Variants in NKD2 observed in about 807,000 individuals in gnomAD.
NKD2 encodes the protein protein naked cuticle homolog 2.
NKD2 carries 43 observed loss-of-function variants against 34.8 expected under a neutral mutation model. The observed-to-expected ratio is 1.24, with a 90% CI of 0.97 to 1.60. The LOEUF is 1.60. Among genes scored for constraint, NKD2 ranks in the 40% most tolerant of loss-of-function variants. The probability of loss-of-function intolerance (pLI) is 0.00; values close to 1 mark genes in which losing one functional copy is unlikely to be tolerated. For synonymous variants in NKD2, 278 were observed against 265.1 expected (o/e 1.05, Z -0.47); for missense variants, 675 against 627.1 (o/e 1.08, Z -0.82).
chr5:1,037,670 T>G (rs1193108058), intron 9 of NKD2, 135 bp from the exon 10 acceptor site: 1 of 1,536,776 alleles, frequency 6.5e-7, no homozygotes, highest in Admixed American at 2.0e-5. Context: ...GCCGTCTGAC[T>G]GCAGACTTGG....
intron 3 of NKD2, among the ~76,000 whole-genome samples, chr5:1,016,766 G>A (rs1755969026): frequency 6.6e-6 from 1 of 152,196 alleles, no homozygotes; most frequent in African/African-American, 2.4e-5. Context: ...ATCCGCTAAG[G>A]GGGACGTGAC....
Position 1,038,403 on chromosome 5 carries a change from C to G in NKD2, c.*30C>G, listed in dbSNP as rs147500743. On this transcript the variant is annotated 3_prime_UTR_variant, in exon 10 of 10. Coordinates refer to ENST00000296849, the MANE Select transcript of NKD2 (RefSeq NM_033120.4). The surrounding 1 kb of genome is among the most constrained non-coding windows in gnomAD (Gnocchi z 4.5). ...ACTGCCAAGCACACCTCGCTCCCAG[C>G]ACACCACAGCCCGCGACCTCAGGGC... 1.1e-4 allele frequency: 165 copies of G among 1,535,642 alleles called. 1 individual carries two copies. The Middle Eastern group carries it at 1.4e-3, about 13-fold the overall frequency.
Position 1,038,297 on chromosome 5 carries a change from T to G in NKD2, c.1280T>G (p.Val427Gly). The G allele has an allele frequency of 6.4e-7, 1 of 1,551,416 alleles. No individual in the cohort carries two copies. The highest frequency in any genetic ancestry group is 1.2e-5 in the South Asian group (1 of 85,144). Residue 427 changes from valine to glycine, a missense_variant, in exon 10 of 10, where the codon GTG becomes GGG. Val to Gly is a moderately radical substitution (Grantham distance 109). Coordinates refer to ENST00000296849, the MANE Select transcript of NKD2 (RefSeq NM_033120.4). This position sits in a 1 kb window ranked among gnomAD's most constrained non-coding sequence, Gnocchi z 4.5. Reference protein sequence around the residue: ...TPAGEGYAVPVIQRHEHHHHH... With the variant: ...TPAGEGYAVPGIQRHEHHHHH... ...GCAGGAGAGGGCTACGCGGTGCCAG[T>G]GATCCAGCGGCACGAGCACCACCAC...
intron 6 of NKD2, 97 bp from the exon 7 acceptor site, chr5:1,034,659 A>G (rs1733748117): frequency 7.8e-7 from 1 of 1,282,032 alleles, no homozygotes; most frequent in Non-Finnish European, 1.1e-6. Context: ...CAAGGATGGC[A>G]TAGGAAGGGG....
intron 3 of NKD2, among the ~76,000 whole-genome samples, chr5:1,026,940 C>G (rs114408934): frequency 6.6e-6 from 1 of 152,248 alleles, no homozygotes; most frequent in Non-Finnish European, 1.5e-5. Context: ...AACTGGCCCT[C>G]GATGCCACGA....
chr5:1,009,165 C>G lies in NKD2; in HGVS notation c.26-14C>G. Reference sequence around the variant, plus strand: ...ACTGTCGTTTTCCTCTCCCCGCGTCCCGCCGTGCCGCAGCCGCCGCCGCCC... The same window carrying G: ...ACTGTCGTTTTCCTCTCCCCGCGTCGCGCCGTGCCGCAGCCGCCGCCGCCC... On this transcript the variant is annotated splice_polypyrimidine_tract_variant and intron_variant, in intron 1 of 9. Transcript: ENST00000296849. The surrounding 1 kb of genome is among the most constrained non-coding windows in gnomAD (Gnocchi z 6.9). The G allele has an allele frequency of 1.8e-6, 1 of 561,788 alleles. No homozygotes were observed. The highest frequency in any genetic ancestry group is 3.2e-6 in the Non-Finnish European group (1 of 312,598). 34.8% of individuals were successfully genotyped at this position (561,788 alleles called of 1,614,324 possible). A position where few individuals can be genotyped will look rare whatever the true frequency, so the allele number is the denominator to read the frequency against.
At chr5:1,020,319 A>G (rs536004447) in intron 3 of NKD2, among the ~76,000 whole-genome samples, 1 of 152,278 alleles carries the variant, frequency 6.6e-6, no homozygotes, top group East Asian at 1.9e-4. Flanking sequence ...ATATGTGAGT[A>G]CACACGTGTA....
At chr5:1,029,213 G>GA (rs143187896) in intron 3 of NKD2, among the ~76,000 whole-genome samples, 1,686 of 152,288 alleles carry the variant, frequency 0.011, 22 homozygotes, top group Non-Finnish European at 0.016. Flanking sequence ...CTGGGTCTTA[G>GA]AAAAAACACT....
intron 9 of NKD2, chr5:1,037,461 G>T: frequency 6.8e-7 from 1 of 1,462,884 alleles, no homozygotes; most frequent in Non-Finnish European, 9.2e-7. Context: ...TAGGGGATGC[G>T]AATCCTGGGG....
chr5:1,034,619 G>A (rs771945034), intron 6 of NKD2, 137 bp from the exon 7 acceptor site: 13 of 964,458 alleles, frequency 1.3e-5, no homozygotes, highest in Non-Finnish European at 1.9e-5. Context: ...GAAGATGCCT[G>A]TGTTGGTTCC....
intron 3 of NKD2, among the ~76,000 whole-genome samples, chr5:1,018,883 A>T (rs1756062553): frequency 6.6e-6 from 1 of 152,116 alleles, no homozygotes; most frequent in Non-Finnish European, 1.5e-5. Context: ...AGCTGGGCCC[A>T]CAGGGAGGAA....
chr5:1,034,104 C>T, intron 5 of NKD2, 131 bp from the exon 6 acceptor site: 2 of 669,884 alleles, frequency 3.0e-6, no homozygotes, highest in Admixed American at 5.2e-5. Flanking sequence ...CCACGCTGCC[C>T]TCTAGGCTCC....
intron 3 of NKD2, among the ~76,000 whole-genome samples, chr5:1,016,309 C>T (rs1490995425): frequency 6.6e-6 from 1 of 152,262 alleles, no homozygotes. Flanking sequence ...TTGGCAAATA[C>T]TTGGCAGGGC....
Position 1,009,313 on chromosome 5 carries a change from G to A in NKD2, c.61+99G>A. On this transcript the variant is annotated intron_variant, in intron 2 of 9. Transcript: ENST00000296849. The surrounding 1 kb of genome is among the most constrained non-coding windows in gnomAD (Gnocchi z 6.9). ...CGCGTCCTGCCCTGGAGCCAGCAGT[G>A]GGGGGACGGGGCCGCGGGTCTCCAG... The A allele has an allele frequency of 5.8e-6, 3 of 514,060 alleles. No individual in the cohort carries two copies. Among genetic ancestry groups the A allele is most frequent in the Non-Finnish European group, 1.0e-5 (3 of 301,364 alleles). The allele number at this position is 514,060 out of a possible 1,614,324, so 31.8% of individuals were successfully genotyped here.
At chr5:1,036,657 G>C in intron 9 of NKD2, 1 of 603,378 alleles carries the variant, frequency 1.7e-6, no homozygotes, top group South Asian at 1.6e-5. Context: ...GGGGTGCCTG[G>C]TTCAAAGTGA....
At chr5:1,030,012 G>T (rs1579268350) in intron 3 of NKD2, among the ~76,000 whole-genome samples, 1 of 147,470 alleles carries the variant, frequency 6.8e-6, no homozygotes, top group African/African-American at 2.6e-5. Context: ...GGGGATTGTG[G>T]TGCGGGGGGG....
intron 5 of NKD2, among the ~76,000 whole-genome samples, chr5:1,033,949 C>T (rs1380610675): frequency 6.6e-6 from 1 of 152,240 alleles, no homozygotes; most frequent in Non-Finnish European, 1.5e-5. Context: ...GTCCTCTTCT[C>T]CTTCTGGGTG....
chr5:1,020,912 G>C (rs1253697252), intron 3 of NKD2, among the ~76,000 whole-genome samples: 1 of 152,108 alleles, frequency 6.6e-6, no homozygotes, highest in Non-Finnish European at 1.5e-5. Context: ...CGTTTACTGG[G>C]TGAGGGGGCG....
At chr5:1,022,886 G>A (rs1436357767) in intron 3 of NKD2, among the ~76,000 whole-genome samples, 402 of 6,136 alleles carry the variant, frequency 0.066, 86 homozygotes, top group African/African-American at 0.066. Flanking sequence ...GGGTGTCCCA[G>A]CCCTTTGTCC....
Sources: gnomAD v4.1 joint callset for allele counts (sites outside exome capture counted in the v4.1 genomes callset) on GRCh38, gnomAD v4.1.1 for gene constraint, Gnocchi (gnomAD v3.1) non-coding constraint, MANE v1.5 for transcripts, NCBI Gene and HGNC (gene_info 2026-07-23, HGNC 2026-07-21) for gene names.